PDE11A: variants seen among roughly 807,000 people sequenced by gnomAD.
The protein encoded by PDE11A is phosphodiesterase 11A.
A neutral mutation model predicts 100.5 loss-of-function variants in PDE11A; 100 were observed. That is an observed-to-expected ratio of 1.00 (90% confidence interval 0.85 to 1.18). The LOEUF (loss-of-function observed/expected upper bound fraction) is 1.18, where lower values mean the gene tolerates loss of function less well. Among genes scored for constraint, PDE11A ranks in the 50% most tolerant of loss-of-function variants. The pLI is 0.00. For synonymous variants in PDE11A, 381 were observed against 420.8 expected (o/e 0.91, Z 1.16); for missense variants, 1,141 against 1,152.6 (o/e 0.99, Z 0.15).
intron 12 of PDE11A, among the ~76,000 whole-genome samples, chr2:177,716,656 A>C (rs983828498): frequency 2.6e-5 from 4 of 152,188 alleles, no homozygotes; most frequent in Non-Finnish European, 5.9e-5. Context: ...TCTATCAAGT[A>C]TGAAATAATT....
chr2:177,876,070 A>G (rs2084236008), intron 4 of PDE11A, 147 bp from the exon 5 acceptor site: 1 of 674,630 alleles, frequency 1.5e-6, no homozygotes, highest in Non-Finnish European at 2.7e-6. Context: ...AAGACAGAGT[A>G]GAAGAGGAGA....
intron 1 of PDE11A, among the ~76,000 whole-genome samples, chr2:178,044,500 A>T (rs2086725633): frequency 6.6e-6 from 1 of 151,406 alleles, no homozygotes; most frequent in African/African-American, 2.4e-5. Context: ...ACCCTTGTTT[A>T]TAATATAAAC....
intron 15 of PDE11A, among the ~76,000 whole-genome samples, chr2:177,696,563 A>G (rs1162772582): frequency 6.6e-6 from 1 of 152,194 alleles, no homozygotes; most frequent in East Asian, 1.9e-4. Flanking sequence ...ATTTTGATAG[A>G]GTGCGGAGAT....
intron 2 of PDE11A, among the ~76,000 whole-genome samples, chr2:177,934,371 A>AG (rs1317322954): frequency 6.6e-6 from 1 of 152,182 alleles, no homozygotes; most frequent in African/African-American, 2.4e-5. Flanking sequence ...GTGGCCAAGA[A>AG]ACATGTAAAA....
At chr2:177,687,483 C>G (rs1282824899) in intron 15 of PDE11A, 1 of 152,182 alleles carries the variant, frequency 6.6e-6, no homozygotes, top group African/African-American at 2.4e-5. Context: ...GAGAGTTACC[C>G]ATGTTGTTAT....
At chr2:177,830,908 A>T (rs2083298535) in intron 6 of PDE11A, among the ~76,000 whole-genome samples, 1 of 152,188 alleles carries the variant, frequency 6.6e-6, no homozygotes, top group African/African-American at 2.4e-5. Flanking sequence ...ATCTTGTAAC[A>T]GAATAAACAG....
chr2:177,835,776 T>G (rs938558145), intron 6 of PDE11A, among the ~76,000 whole-genome samples: 1 of 152,162 alleles, frequency 6.6e-6, no homozygotes, highest in African/African-American at 2.4e-5. Context: ...AGCGGCCAGC[T>G]GGTGCCGCCG....
At chr2:178,015,794 G>A (rs2086328099) in intron 1 of PDE11A, among the ~76,000 whole-genome samples, 1 of 151,812 alleles carries the variant, frequency 6.6e-6, no homozygotes, top group Non-Finnish European at 1.5e-5. Flanking sequence ...GAGGGTGGAA[G>A]GAAAAAAAGA....
intron 10 of PDE11A, among the ~76,000 whole-genome samples, chr2:177,750,967 T>A (rs1200988604): frequency 6.6e-6 from 1 of 152,144 alleles, no homozygotes; most frequent in South Asian, 2.1e-4. Context: ...CAACATTTTT[T>A]AAATTGGTCT....
Position 177,925,693 on chromosome 2 carries a change from C to A in PDE11A, c.1072-20506G>T, listed in dbSNP as rs556790354. The stretch of plus-strand genomic sequence containing the variant: ...CAGATCTTCCCATACACACAGCTAC[C>A]AAGAAGCTTACAAGGCAGGCGTGGG... On this transcript the variant is annotated intron_variant, in intron 2 of 19. Transcript: ENST00000286063. Among the ~76,000 whole-genome samples the A allele has an allele frequency of 5.9e-5, 9 of 152,280 alleles. No individual in the cohort carries two copies. The South Asian group carries it at 1.9e-3, about 32-fold the overall frequency.
At chr2:177,677,084 A>T (rs2080787592) in intron 16 of PDE11A, among the ~76,000 whole-genome samples, 1 of 152,202 alleles carries the variant, frequency 6.6e-6, no homozygotes, top group South Asian at 2.1e-4. Context: ...GCCTATTTGT[A>T]TCATAATGTG....
chr2:177,891,953 C>T (rs2084535849), intron 4 of PDE11A, among the ~76,000 whole-genome samples: 1 of 152,148 alleles, frequency 6.6e-6, no homozygotes, highest in Non-Finnish European at 1.5e-5. Flanking sequence ...AGATAAAAGA[C>T]TCCAGATTTA....
chr2:177,891,560 T>C (rs964173616), intron 4 of PDE11A, among the ~76,000 whole-genome samples: 3 of 152,202 alleles, frequency 2.0e-5, no homozygotes, highest in African/African-American at 4.8e-5. Context: ...TTGCATTTGA[T>C]TTTTTAACAT....
At chr2:177,971,755 TAGC>T (rs2085773254) in intron 2 of PDE11A, among the ~76,000 whole-genome samples, 1 of 151,842 alleles carries the variant, frequency 6.6e-6, no homozygotes, top group Non-Finnish European at 1.5e-5. Flanking sequence ...ATTAATATAA[TAGC>T]AGAAAAGGGA....
At chr2:178,087,193 A>G (rs1414220784) in intron 2 of PDE11A, among the ~76,000 whole-genome samples, 2 of 152,060 alleles carry the variant, frequency 1.3e-5, no homozygotes, top group Non-Finnish European at 2.9e-5. Context: ...TCTCTACTAA[A>G]AATACAAAAA....
In PDE11A at chr2:177,980,046, T is replaced by C. The variant is rs186499493; in HGVS notation, c.1071+34256A>G. Among the ~76,000 whole-genome samples the C allele has an allele frequency of 8.0e-5, 12 of 150,784 alleles. 1 individual carries two copies. The highest frequency in any genetic ancestry group is 7.3e-4 in the Admixed American group (11 of 15,136). On this transcript the variant is annotated intron_variant, in intron 2 of 19. Transcript: ENST00000286063. Reference sequence around the variant, plus strand: ...TCTCTGAAGCAGTTGACAGTGCTGATAGCCCTCCTTCTTGAAACTCCTCCC... The same window carrying C: ...TCTCTGAAGCAGTTGACAGTGCTGACAGCCCTCCTTCTTGAAACTCCTCCC...
At chr2:177,664,184 T>C (rs1012609842) in intron 18 of PDE11A, among the ~76,000 whole-genome samples, 1 of 152,222 alleles carries the variant, frequency 6.6e-6, no homozygotes, top group Non-Finnish European at 1.5e-5. Context: ...GCGTGCAACT[T>C]CTTGGGGCAA....
intron 19 of PDE11A, among the ~76,000 whole-genome samples, chr2:177,640,381 T>A (rs1344342982): frequency 6.6e-6 from 1 of 152,216 alleles, no homozygotes; most frequent in Non-Finnish European, 1.5e-5. Context: ...TATGACCAAC[T>A]GTTATCATCT....
intron 3 of PDE11A, among the ~76,000 whole-genome samples, chr2:177,903,172 G>T (rs1406385159): frequency 2.0e-5 from 3 of 151,784 alleles, no homozygotes; most frequent in African/African-American, 7.3e-5. Context: ...GCTTTCTCCT[G>T]CCCCAGGTCC....
Sources: gnomAD v4.1 joint callset for allele counts (sites outside exome capture counted in the v4.1 genomes callset) on GRCh38, gnomAD v4.1.1 for gene constraint, MANE v1.5 for transcripts, NCBI Gene and HGNC (gene_info 2026-07-23, HGNC 2026-07-21) for gene names.